Variants in TUT4 observed in about 807,000 individuals in gnomAD.
The protein encoded by TUT4 is terminal uridylyltransferase 4.
Under a neutral mutation model 192.2 loss-of-function variants are expected in TUT4, and 36 were observed. The ratio of observed to expected loss-of-function variants is 0.19; its 90% CI spans 0.14 to 0.25. The LOEUF (loss-of-function observed/expected upper bound fraction) is 0.25, where lower values mean the gene tolerates loss of function less well. TUT4 is among the 10% of genes least tolerant of loss of function. The pLI is 1.00. For missense variants in TUT4, 1,493 were observed against 1,957.2 expected, an observed-to-expected ratio of 0.76 and a Z score of 4.47; for synonymous variants, 618 against 666.0, an observed-to-expected ratio of 0.93 and a Z score of 1.11.
rs571355049 is a variant in TUT4, at chr1:52,460,011, T to C, written c.3321+1123A>G. On this transcript the variant is annotated intron_variant, in intron 19 of 29. Coordinates refer to ENST00000257177, the MANE Select transcript of TUT4 (RefSeq NM_001009881.3). ...TGAGCAAGGATTTAGCTTATATCTATATTTAAAGGGAAAAGGGGTGATTTA... is the reference window on the plus strand; with the variant it reads ...TGAGCAAGGATTTAGCTTATATCTACATTTAAAGGGAAAAGGGGTGATTTA... Among the ~76,000 whole-genome samples, 143 of 152,306 alleles carry C rather than the reference T, an allele frequency of 9.4e-4. 6 individuals are homozygous for C. The South Asian group carries it at 0.028, about 30-fold the overall frequency.
chr1:52,446,294 T>C lies in TUT4; in HGVS notation c.3662A>G (p.Gln1221Arg), dbSNP rs750795780. Reference protein sequence around the residue: ...QKKLLTTFEKQWTSKCIAIED... With the variant: ...QKKLLTTFEKRWTSKCIAIED... The stretch of plus-strand genomic sequence containing the variant: ...AATTGCAATGCACTTGGAAGTCCAC[T>C]GCTTCTCAAAAGTTGTCAACAGCTT... The change falls in exon 22 of 30, where the codon CAG becomes CGG. Residue 1221 changes from glutamine to arginine, a missense_variant. By Grantham distance (43) the Gln-to-Arg change is conservative. Around this residue, in one of 7 missense-constraint regions of TUT4, gnomAD observed 141 missense variants for 382.7 expected, o/e 0.37. Coordinates refer to ENST00000257177, the MANE Select transcript of TUT4 (RefSeq NM_001009881.3). 6 of 1,613,030 alleles carry C rather than the reference T, an allele frequency of 3.7e-6. No homozygotes were observed. In the African/African-American group the frequency reaches 6.7e-5, roughly 18 times the overall value.
At chr1:52,531,356 G>C (rs534490245) in intron 1 of TUT4, among the ~76,000 whole-genome samples, 1 of 151,840 alleles carries the variant, frequency 6.6e-6, no homozygotes, top group South Asian at 2.1e-4. Context: ...TGGCTGGACT[G>C]GGGGGCCACA....
intron 8 of TUT4, among the ~76,000 whole-genome samples, chr1:52,490,398 G>C (rs1670858154): frequency 6.6e-6 from 1 of 151,512 alleles, no homozygotes; most frequent in Non-Finnish European, 1.5e-5. Context: ...TCAAGTGACT[G>C]AAGAGAGGCT....
At chr1:52,430,910 C>A in intron 28 of TUT4, 103 bp downstream of exon 28, 1 of 1,307,590 alleles carries the variant, frequency 7.6e-7, no homozygotes, top group Non-Finnish European at 1.0e-6. Context: ...GTACTGTCCC[C>A]TCCACAAATA....
chr1:52,501,814 G>A (rs150891627), intron 4 of TUT4, among the ~76,000 whole-genome samples: 23 of 152,202 alleles, frequency 1.5e-4, no homozygotes, highest in African/African-American at 5.1e-4. Flanking sequence ...GCTACAACGC[G>A]GTTGACCTGA....
At chr1:52,522,827 G>T (rs1680639538) in intron 2 of TUT4, among the ~76,000 whole-genome samples, 1 of 151,978 alleles carries the variant, frequency 6.6e-6, no homozygotes, top group Non-Finnish European at 1.5e-5. Flanking sequence ...TTGGGAGGCT[G>T]AGGTAGGAGA....
chr1:52,524,661 C>T (rs1681228705), intron 2 of TUT4, among the ~76,000 whole-genome samples: 2 of 152,052 alleles, frequency 1.3e-5, no homozygotes, highest in Non-Finnish European at 2.9e-5. Flanking sequence ...AAAAAGTTAG[C>T]CAGGTATGGT....
At chr1:52,430,905 G>C in intron 28 of TUT4, 108 bp downstream of exon 28, 2 of 1,231,510 alleles carry the variant, frequency 1.6e-6, no homozygotes, top group Non-Finnish European at 2.2e-6. Context: ...ATCCTGTACT[G>C]TCCCCTCCAC....
intron 11 of TUT4, 47 bp downstream of exon 11, chr1:52,481,376 A>C (rs1306011964): frequency 1.1e-5 from 17 of 1,584,240 alleles, no homozygotes; most frequent in Non-Finnish European, 1.3e-5. Flanking sequence ...AGAATATCAC[A>C]AATTCTACAG....
chr1:52,425,713 A>G (rs181279075), intron 28 of TUT4, among the ~76,000 whole-genome samples: 4 of 152,348 alleles, frequency 2.6e-5, no homozygotes, highest in African/African-American at 9.6e-5. Context: ...AGAGATATAT[A>G]TATACACAAC....
At chr1:52,530,905 A>G (rs1371262348) in intron 1 of TUT4, among the ~76,000 whole-genome samples, 1 of 152,126 alleles carries the variant, frequency 6.6e-6, no homozygotes, top group African/African-American at 2.4e-5. Flanking sequence ...TGGGAGGCTG[A>G]GGTAGGAGGA....
intron 11 of TUT4, among the ~76,000 whole-genome samples, chr1:52,481,213 A>G (rs530175575): frequency 7.2e-5 from 11 of 152,338 alleles, no homozygotes; most frequent in African/African-American, 2.6e-4. Flanking sequence ...GATTCAAACA[A>G]CACAAGTTTT....
chr1:52,447,403 C>T (rs144634752), intron 20 of TUT4, among the ~76,000 whole-genome samples: 2,578 of 150,382 alleles, frequency 0.017, 35 homozygotes, highest in Non-Finnish European at 0.028. Flanking sequence ...CAGCCGAGAT[C>T]GTGCCACTGC....
rs61739684 is a variant in TUT4, at chr1:52,423,987, C to T, written c.4886G>A (p.Arg1629His). Residue 1629 changes from arginine (R) to histidine (H), a missense_variant, in exon 30 of 30, where the codon CGT becomes CAT. By Grantham distance (29) the Arg-to-His change is conservative (BLOSUM62 0). This residue lies in a region of TUT4 where 351 missense variants were observed against 397.8 expected (regional missense o/e 0.88). Transcript: ENST00000257177. ...GTGGGGACAACGCTCTCTACACCGA[C>T]GGGTGGCACATCTGTCTGTTGGATA... ...PFYTQDRCAT[R>H]RCRERCPHPP... 17 of 1,612,006 alleles carry T rather than the reference C, an allele frequency of 1.1e-5. No individual in the cohort carries two copies. Among genetic ancestry groups the T allele is most frequent in the Non-Finnish European group, 1.2e-5 (14 of 1,179,178 alleles).
chr1:52,460,065 A>C (rs1662138127), intron 19 of TUT4, among the ~76,000 whole-genome samples: 1 of 152,206 alleles, frequency 6.6e-6, no homozygotes. Context: ...AGTTATAACA[A>C]AACTGTCATG....
chr1:52,435,911 G>C (rs1023349564), intron 26 of TUT4, among the ~76,000 whole-genome samples: 5 of 147,920 alleles, frequency 3.4e-5, no homozygotes, highest in African/African-American at 1.2e-4. Context: ...CTCTCTCTAT[G>C]TCTCTCTCTC....
At chr1:52,431,496 A>G in intron 27 of TUT4, 36 bp from the exon 28 acceptor site, 1 of 1,364,116 alleles carries the variant, frequency 7.3e-7, no homozygotes, top group Non-Finnish European at 9.7e-7. Flanking sequence ...TAATTAATTT[A>G]TAAACATCTT....
At chr1:52,552,519 G>A (rs1316851474) in intron 1 of TUT4, among the ~76,000 whole-genome samples, 2 of 152,124 alleles carry the variant, frequency 1.3e-5, no homozygotes, top group South Asian at 2.1e-4. Flanking sequence ...TCTAAGCAAG[G>A]GTGAAAGAAA....
chr1:52,440,625 A>G (rs549092201), intron 24 of TUT4, among the ~76,000 whole-genome samples: 1 of 152,190 alleles, frequency 6.6e-6, no homozygotes, highest in South Asian at 2.1e-4. Context: ...ATCACTTTTA[A>G]TTAATGACCA....
Sources: allele counts gnomAD v4.1 joint callset (sites outside exome capture counted in the v4.1 genomes callset), GRCh38; gene constraint gnomAD v4.1.1; regional missense constraint gnomAD v4.1.1; transcripts MANE v1.5; gene names NCBI Gene and HGNC (gene_info 2026-07-23, HGNC 2026-07-21).